ZNF366: variants seen among roughly 807,000 people sequenced by gnomAD.
ZNF366 encodes zinc finger protein 366.
In ZNF366, 20 loss-of-function variants were observed where a neutral mutation model predicts 47.2. The ratio of observed to expected loss-of-function variants is 0.42; its 90% CI spans 0.30 to 0.62. The LOEUF is 0.62. ZNF366 is among the 20% of genes least tolerant of loss of function. The probability of loss-of-function intolerance (pLI) is 0.16; values close to 1 mark genes in which losing one functional copy is unlikely to be tolerated. For missense variants in ZNF366, 987 were observed against 976.3 expected (o/e 1.01, Z -0.15); for synonymous variants, 421 against 395.1 (o/e 1.07, Z -0.78).
At chr5:72,457,086 A>G (rs896284558) in intron 2 of ZNF366, among the ~76,000 whole-genome samples, 4 of 152,180 alleles carry the variant, frequency 2.6e-5, no homozygotes, top group African/African-American at 7.2e-5. Context: ...CACTGCAGTA[A>G]ATTACAACTT....
intron 1 of ZNF366, among the ~76,000 whole-genome samples, chr5:72,477,028 A>G (rs1743687787): frequency 6.6e-6 from 1 of 152,100 alleles, no homozygotes. Context: ...ATTTCCCACC[A>G]TATAGAGGAG....
chr5:72,464,097 A>T (rs1470919440), intron 1 of ZNF366, among the ~76,000 whole-genome samples: 2 of 152,210 alleles, frequency 1.3e-5, no homozygotes, highest in African/African-American at 4.8e-5. Flanking sequence ...CTTTTTAAAA[A>T]TTTCCTCTGA....
intron 1 of ZNF366, among the ~76,000 whole-genome samples, chr5:72,489,386 C>A (rs1743961254): frequency 6.6e-6 from 1 of 152,022 alleles, no homozygotes; most frequent in South Asian, 2.1e-4. Context: ...GGCATATATT[C>A]TTGTTTTCTT....
intron 1 of ZNF366, among the ~76,000 whole-genome samples, chr5:72,495,093 C>T (rs1744085817): frequency 6.6e-6 from 1 of 152,040 alleles, no homozygotes; most frequent in Non-Finnish European, 1.5e-5. Context: ...GCAGAATTTA[C>T]TCCAGCCTCT....
chr5:72,463,117 G>T (rs973027684), intron 1 of ZNF366, among the ~76,000 whole-genome samples: 5 of 152,234 alleles, frequency 3.3e-5, no homozygotes, highest in African/African-American at 1.2e-4. Context: ...GCAATATGGG[G>T]TGAAGGTCCC....
chr5:72,440,877 G>C lies in ZNF366; in HGVS notation c.*2879C>G, dbSNP rs949459543. On this transcript the variant is annotated 3_prime_UTR_variant, in exon 5 of 5. Transcript: ENST00000318442. ...GATCTAATTAAGTGTCTTATGCCCAGAGTCAACAACTAAAAACAGGCCCTG... is the reference window on the plus strand; with the variant it reads ...GATCTAATTAAGTGTCTTATGCCCACAGTCAACAACTAAAAACAGGCCCTG... 6.6e-6 allele frequency: 1 copy of C among 152,034 alleles called. No individual in the cohort carries two copies. Among genetic ancestry groups the C allele is most frequent in the Non-Finnish European group, 1.5e-5 (1 of 67,994 alleles). 9.4% of individuals were successfully genotyped at this position (152,034 alleles called of 1,614,324 possible).
chr5:72,504,912 TG>T lies in ZNF366; in HGVS notation c.-15+2338del, dbSNP rs530498726. Among the ~76,000 whole-genome samples, 9 of 152,322 alleles carry T rather than the reference TG, an allele frequency of 5.9e-5. No individual in the cohort carries two copies. In the South Asian group the frequency reaches 8.3e-4, roughly 14 times the overall value. Reference sequence around the variant, plus strand: ...CTGAGATTTAGAGCAGTTAAGTACCTGCCCCGAGGCCCATAAACAGTAGGCA... The same window carrying T: ...CTGAGATTTAGAGCAGTTAAGTACCTCCCCGAGGCCCATAAACAGTAGGCA... On this transcript the variant is annotated intron_variant, in intron 1 of 4. Transcript: ENST00000318442.
At chr5:72,471,816 T>G (rs1743571086) in intron 1 of ZNF366, among the ~76,000 whole-genome samples, 1 of 152,170 alleles carries the variant, frequency 6.6e-6, no homozygotes, top group Admixed American at 6.5e-5. Context: ...TTGAGGCATT[T>G]TAATAGACTC....
In ZNF366 at chr5:72,460,336, G is replaced by A. The variant is rs761628821; in HGVS notation, c.1161C>T (p.His387=). 80 of 1,614,128 alleles carry A rather than the reference G, an allele frequency of 5.0e-5. No individual in the cohort carries two copies. In the East Asian group the frequency reaches 1.7e-3, roughly 35 times the overall value. Residue 387 remains histidine (H), a synonymous_variant, in exon 2 of 5, where the codon CAC becomes CAT. Transcript: ENST00000318442. ...AGCAGTTGTACTGGATGGGGCCCCGGTGCGTGGTGAGGTGTCTCTTCAGCT... is the reference window on the plus strand; with the variant it reads ...AGCAGTTGTACTGGATGGGGCCCCGATGCGTGGTGAGGTGTCTCTTCAGCT... ...LAQLKRHLTT[H]RGPIQYNCSE...
intron 3 of ZNF366, among the ~76,000 whole-genome samples, chr5:72,452,412 G>A (rs1743092685): frequency 6.6e-6 from 1 of 152,192 alleles, no homozygotes; most frequent in African/African-American, 2.4e-5. Context: ...AGTTCATACG[G>A]CTATATCCTT....
intron 1 of ZNF366, among the ~76,000 whole-genome samples, chr5:72,478,953 A>C (rs1351357890): frequency 6.6e-6 from 1 of 152,246 alleles, no homozygotes; most frequent in East Asian, 1.9e-4. Flanking sequence ...TCTTATAAAC[A>C]CTTGTTTCAT....
At chr5:72,453,363 T>C (rs1032929995) in intron 3 of ZNF366, among the ~76,000 whole-genome samples, 2 of 152,230 alleles carry the variant, frequency 1.3e-5, no homozygotes, top group East Asian at 1.9e-4. Context: ...TTCCCTGTTA[T>C]GGCAACAAAA....
At chr5:72,457,424 G>T (rs1743213492) in intron 2 of ZNF366, among the ~76,000 whole-genome samples, 1 of 152,076 alleles carries the variant, frequency 6.6e-6, no homozygotes, top group African/African-American at 2.4e-5. Context: ...AATGACTTTT[G>T]GGAAGAAAAA....
At chr5:72,485,803 T>G (rs1743881060) in intron 1 of ZNF366, among the ~76,000 whole-genome samples, 1 of 152,186 alleles carries the variant, frequency 6.6e-6, no homozygotes, top group Non-Finnish European at 1.5e-5. Context: ...TCTCATGCCC[T>G]ACCACCTGCT....
rs1743592416 is a variant in ZNF366, at chr5:72,472,574, T to C, written c.-14-11064A>G. The C allele has an allele frequency of 7.1e-6, 7 of 985,306 alleles. No individual in the cohort carries two copies. In the African/African-American group the frequency reaches 1.0e-4, roughly 15 times the overall value. The allele number at this position is 985,306 out of a possible 1,614,324, so 61.0% of individuals were successfully genotyped here. ...TAACTGCATTAAGAAAGCCAGTAAG[T>C]ATAAGTCCAAAAATGAACTGCAGTT... On this transcript the variant is annotated intron_variant, in intron 1 of 4. Coordinates refer to ENST00000318442, the MANE Select transcript of ZNF366 (RefSeq NM_152625.3).
rs1742851097 is a variant in ZNF366, at chr5:72,441,321, G to A, written c.*2435C>T. 1 of 152,212 alleles carries A rather than the reference G, an allele frequency of 6.6e-6. No homozygotes were observed. The highest frequency in any genetic ancestry group is 6.5e-5 in the Admixed American group (1 of 15,282). The allele number at this position is 152,212 out of a possible 1,614,324, so 9.4% of individuals were successfully genotyped here. ...AGTAGGTCCTCAACACATGGCCGCAGTGTGAATAAATGTGTAACCAGACCC... is the reference window on the plus strand; with the variant it reads ...AGTAGGTCCTCAACACATGGCCGCAATGTGAATAAATGTGTAACCAGACCC... On this transcript the variant is annotated 3_prime_UTR_variant, in exon 5 of 5. Transcript: ENST00000318442.
chr5:72,484,479 G>A (rs1224005570), intron 1 of ZNF366, among the ~76,000 whole-genome samples: 85 of 130,208 alleles, frequency 6.5e-4, no homozygotes, highest in African/African-American at 2.3e-3. Flanking sequence ...GCGAGACTCC[G>A]TCTCAAAAAA....
chr5:72,444,371 G>A, intron 4 of ZNF366, 80 bp from the exon 5 acceptor site: 1 of 1,457,780 alleles, frequency 6.9e-7, no homozygotes, highest in Non-Finnish European at 9.3e-7. Flanking sequence ...GCAGCCCGGG[G>A]CCGTTTAATG....
Position 72,458,012 on chromosome 5 carries a change from CTTTTTTT to C in ZNF366, c.1333-1424_1333-1418del, listed in dbSNP as rs1228705988. ...TTTTAAATTTTATTTTAGCATCTTT[CTTTTTTT>C]TTTTTTTTTTTTTTTGAGACGGAAT... On this transcript the variant is annotated intron_variant, in intron 2 of 4. Coordinates refer to ENST00000318442, the MANE Select transcript of ZNF366 (RefSeq NM_152625.3). 1.8e-4 allele frequency among the ~76,000 whole-genome samples: 17 copies of C among 97,040 alleles called. 1 individual carries two copies. Among genetic ancestry groups the C allele is most frequent in the South Asian group, 1.1e-3 (3 of 2,610 alleles). 63.7% of individuals were successfully genotyped at this position (97,040 alleles called of 152,430 possible). A position where few individuals can be genotyped will look rare whatever the true frequency, so the allele number is the denominator to read the frequency against.
Sources: gnomAD v4.1 joint callset for allele counts (sites outside exome capture counted in the v4.1 genomes callset) on GRCh38, gnomAD v4.1.1 for gene constraint, MANE v1.5 for transcripts, NCBI Gene and HGNC (gene_info 2026-07-23, HGNC 2026-07-21) for gene names.